The following KANK1 variants were observed in gnomAD, a reference collection of about 807,000 sequenced individuals.
KANK1 encodes the protein KN motif and ankyrin repeat domain-containing protein 1.
KANK1 carries 109 observed loss-of-function variants against 106.2 expected under a neutral mutation model. The observed-to-expected ratio is 1.03, with a 90% CI of 0.88 to 1.20. The LOEUF is 1.20. KANK1 is among the 50% of genes most tolerant of loss of function. The pLI, the probability that KANK1 is intolerant of heterozygous loss-of-function variation, is 0.00. For missense variants in KANK1, 2,399 were observed against 1,710.7 expected, an observed-to-expected ratio of 1.40 and a Z score of -7.10; for synonymous variants, 873 against 652.2, an observed-to-expected ratio of 1.34 and a Z score of -5.16.
In KANK1 at chr9:597,421, GTATTT is replaced by G. The variant is rs1479385200; in HGVS notation, c.-83-79464_-83-79460del. 2.6e-5 allele frequency among the ~76,000 whole-genome samples: 4 copies of G among 151,702 alleles called. 1 individual carries two copies. The highest frequency in any genetic ancestry group is 9.7e-5 in the African/African-American group (4 of 41,068). On this transcript the variant is annotated intron_variant, in intron 1 of 11. Transcript: ENST00000382297. ...TAGTCGTCCTTGTGGGTATAAAGTA[GTATTT>G]TATTATGGTTTTGATTTATATTTTC...
chr9:646,130 C>A (rs987321239), intron 1 of KANK1, among the ~76,000 whole-genome samples: 1 of 150,490 alleles, frequency 6.6e-6, no homozygotes, highest in Admixed American at 6.6e-5. Flanking sequence ...ATTTTGACAG[C>A]CATACAGATC....
upstream of KANK1, among the ~76,000 whole-genome samples, chr9:503,001 ATTT>A (rs35195436): frequency 0.013 from 907 of 70,236 alleles, 8 homozygotes; most frequent in African/African-American, 0.025. Flanking sequence ...CGCCCAGCTG[ATTT>A]TTTTTTTTTT....
At chr9:674,234 C>T (rs1385443881) in intron 1 of KANK1, 1 of 152,062 alleles carries the variant, frequency 6.6e-6, no homozygotes, top group African/African-American at 2.4e-5. Context: ...GAGATTGGAG[C>T]CATCCTATCC....
chr9:491,894 CA>C (rs2058382997), intron 3 of KANK1, among the ~76,000 whole-genome samples: 1 of 152,220 alleles, frequency 6.6e-6, no homozygotes, highest in African/African-American at 2.4e-5. Context: ...TTTCCCTACA[CA>C]AGCCCTCTCT....
chr9:624,075 GCAA>G (rs1833807373), intron 1 of KANK1, among the ~76,000 whole-genome samples: 1 of 152,176 alleles, frequency 6.6e-6, no homozygotes, highest in Admixed American at 6.5e-5. Flanking sequence ...CCTGCCATTT[GCAA>G]CAACATGGAT....
At chr9:726,522 C>A (rs1830687221) in intron 3 of KANK1, among the ~76,000 whole-genome samples, 1 of 151,902 alleles carries the variant, frequency 6.6e-6, no homozygotes, top group African/African-American at 2.4e-5. Context: ...GCCTGTAGCC[C>A]CAGCTACTCG....
At chr9:616,662 C>G (rs12346714) in intron 1 of KANK1, among the ~76,000 whole-genome samples, 3,192 of 152,274 alleles carry the variant, frequency 0.021, 119 homozygotes, top group African/African-American at 0.074. Flanking sequence ...CTGCAAGACC[C>G]CAAATCTCAG....
intron 1 of KANK1, among the ~76,000 whole-genome samples, chr9:633,239 A>G (rs1280354669): frequency 6.6e-6 from 1 of 151,948 alleles, no homozygotes; most frequent in Admixed American, 6.6e-5. Context: ...GGCAGATCAG[A>G]AGGTCAGGAG....
intron 3 of KANK1, among the ~76,000 whole-genome samples, chr9:724,983 T>C (rs532294676): frequency 1.4e-4 from 22 of 152,302 alleles, no homozygotes; most frequent in African/African-American, 4.8e-4. Context: ...TATTTGCAGT[T>C]AGGGGACATC....
At chr9:705,859 C>T (rs1823986080) in intron 2 of KANK1, among the ~76,000 whole-genome samples, 1 of 151,914 alleles carries the variant, frequency 6.6e-6, no homozygotes, top group Admixed American at 6.6e-5. Flanking sequence ...CCTCGGTCTC[C>T]CAAAGTGCTG....
chr9:526,856 T>C lies in KANK1; in HGVS notation c.-84+22102T>C, dbSNP rs543023315. Reference sequence around the variant, plus strand: ...TAAATTCAATTTTGGATATTTACTTTCCTCACACTGTGGAAGATGAAGATA... The same window carrying C: ...TAAATTCAATTTTGGATATTTACTTCCCTCACACTGTGGAAGATGAAGATA... On this transcript the variant is annotated intron_variant, in intron 1 of 11. Coordinates refer to ENST00000382297, the MANE Select transcript of KANK1 (RefSeq NM_015158.5). Among the ~76,000 whole-genome samples the C allele has an allele frequency of 6.6e-5, 10 of 151,954 alleles. No homozygotes were observed. The South Asian group carries it at 1.9e-3, about 28-fold the overall frequency.
At chr9:655,223 T>G (rs977123074) in intron 1 of KANK1, among the ~76,000 whole-genome samples, 7 of 151,618 alleles carry the variant, frequency 4.6e-5, no homozygotes, top group African/African-American at 1.7e-4. Context: ...TACAAGAAAT[T>G]AGTCGGGCAT....
At chr9:483,908 C>T (rs572342728) in intron 3 of KANK1, among the ~76,000 whole-genome samples, 1 of 152,250 alleles carries the variant, frequency 6.6e-6, no homozygotes, top group South Asian at 2.1e-4. Context: ...AAAAGGGAGA[C>T]AGAGCGAGCA....
intron 1 of KANK1, among the ~76,000 whole-genome samples, chr9:658,768 A>G (rs57295696): frequency 0.2 from 30,047 of 152,056 alleles, 3,527 homozygotes; most frequent in East Asian, 0.33. Flanking sequence ...TCTTTTCTGA[A>G]ATGCCTTTGT....
At chr9:526,575 A>G (rs1007124518) in intron 1 of KANK1, among the ~76,000 whole-genome samples, 2 of 151,768 alleles carry the variant, frequency 1.3e-5, no homozygotes, top group African/African-American at 4.9e-5. Flanking sequence ...ACAAAAAATT[A>G]TTTAAATGAA....
intron 8 of KANK1, among the ~76,000 whole-genome samples, chr9:738,973 G>C (rs545289257): frequency 4.6e-5 from 7 of 152,298 alleles, no homozygotes; most frequent in African/African-American, 7.2e-5. Context: ...TGGGGACTAA[G>C]CAAAGCCACC....
chr9:598,620 C>CTTTTTGTTTTT (rs1826841957), intron 1 of KANK1, among the ~76,000 whole-genome samples: 1 of 46,660 alleles, frequency 2.1e-5, no homozygotes, highest in Non-Finnish European at 4.3e-5. Context: ...TGTTGGTTTT[C>CTTTTTGTTTTT]TTTTTTTTTT....
rs565854117 is a variant in KANK1, at chr9:622,763, C to CG, written c.-83-54126dup. 2.0e-3 allele frequency among the ~76,000 whole-genome samples: 306 copies of CG among 151,848 alleles called. 1 individual carries two copies. Among genetic ancestry groups the CG allele is most frequent in the Middle Eastern group, 3.4e-3 (1 of 294 alleles). ...CTAAAAATACAAAAAATGAGCCAGG[C>CG]GTGGTGGCAGCACCTGTAATCCCAG... On this transcript the variant is annotated intron_variant, in intron 1 of 11. Transcript: ENST00000382297.
At chr9:626,396 A>G (rs1462605691) in intron 1 of KANK1, among the ~76,000 whole-genome samples, 1 of 152,172 alleles carries the variant, frequency 6.6e-6, no homozygotes, top group African/African-American at 2.4e-5. Flanking sequence ...CAGAGGTTGC[A>G]GTGAGCCGGG....
Sources: gnomAD v4.1 joint callset for allele counts (sites outside exome capture counted in the v4.1 genomes callset) on GRCh38, gnomAD v4.1.1 for gene constraint, MANE v1.5 for transcripts, NCBI Gene and HGNC (gene_info 2026-07-23, HGNC 2026-07-21) for gene names.